Variants in RSPO2 observed in about 807,000 individuals in gnomAD.
The protein encoded by RSPO2 is R-spondin 2.
Under a neutral mutation model 30.9 loss-of-function variants are expected in RSPO2, and 14 were observed. The ratio of observed to expected loss-of-function variants is 0.45; its 90% CI spans 0.30 to 0.71. RSPO2 has a LOEUF of 0.71. Among genes scored for constraint, RSPO2 ranks in the 30% least tolerant of loss-of-function variants. RSPO2 has a pLI of 0.08. For missense variants in RSPO2, 264 were observed against 301.9 expected, an observed-to-expected ratio of 0.87 and a Z score of 0.93; for synonymous variants, 107 against 96.4, an observed-to-expected ratio of 1.11 and a Z score of -0.64.
chr8:107,962,281 G>A (rs1813651719), intron 3 of RSPO2, among the ~76,000 whole-genome samples: 1 of 151,992 alleles, frequency 6.6e-6, no homozygotes, highest in African/African-American at 2.4e-5. Context: ...TAAATTTAAA[G>A]GCTAAAAACA....
chr8:107,974,137 G>A (rs1159339977), intron 3 of RSPO2, among the ~76,000 whole-genome samples: 1 of 152,108 alleles, frequency 6.6e-6, no homozygotes, highest in African/African-American at 2.4e-5. Flanking sequence ...AACTGTTCCA[G>A]GGTGGTCCCA....
chr8:107,900,644 G>C lies in RSPO2; in HGVS notation c.*431C>G, dbSNP rs1028421731. 2 of 156,136 alleles carry C rather than the reference G, an allele frequency of 1.3e-5. No individual in the cohort carries two copies. Among genetic ancestry groups the C allele is most frequent in the African/African-American group, 4.8e-5 (2 of 41,570 alleles). The allele number at this position is 156,136 out of a possible 1,614,324, so 9.7% of individuals were successfully genotyped here. On this transcript the variant is annotated 3_prime_UTR_variant, in exon 6 of 6. Transcript: ENST00000276659. ...GGTAACATGCTGAGAATACCATGTGGTAACACTAAGCAGATATCCACACAA... is the reference window on the plus strand; with the variant it reads ...GGTAACATGCTGAGAATACCATGTGCTAACACTAAGCAGATATCCACACAA...
At chr8:108,009,532 CACATT>C (rs1457681878) in intron 2 of RSPO2, among the ~76,000 whole-genome samples, 1 of 152,130 alleles carries the variant, frequency 6.6e-6, no homozygotes, top group Non-Finnish European at 1.5e-5. Flanking sequence ...AAAAGTCACA[CACATT>C]ACATGTGATT....
At chr8:107,996,624 A>G (rs990148103) in intron 2 of RSPO2, among the ~76,000 whole-genome samples, 2 of 152,226 alleles carry the variant, frequency 1.3e-5, no homozygotes, top group Non-Finnish European at 2.9e-5. Flanking sequence ...AGTTGAAGCT[A>G]TACTTTCAGT....
chr8:107,962,903 T>C (rs542189395), intron 3 of RSPO2, among the ~76,000 whole-genome samples: 2 of 152,302 alleles, frequency 1.3e-5, no homozygotes, highest in African/African-American at 4.8e-5. Context: ...ATAAGCTTTT[T>C]GGCCAAAAAG....
chr8:108,050,414 T>C (rs911032281), intron 2 of RSPO2, among the ~76,000 whole-genome samples: 1 of 152,202 alleles, frequency 6.6e-6, no homozygotes, highest in Non-Finnish European at 1.5e-5. Context: ...TCTAAATATC[T>C]ATAGTTTACC....
chr8:107,939,648 C>A (rs923172470), intron 5 of RSPO2, among the ~76,000 whole-genome samples: 10 of 151,844 alleles, frequency 6.6e-5, no homozygotes, highest in Admixed American at 4.6e-4. Context: ...GTATTACTGA[C>A]CCCCATAAAG....
At chr8:108,055,023 AG>A (rs1418432655) in intron 2 of RSPO2, among the ~76,000 whole-genome samples, 1 of 152,100 alleles carries the variant, frequency 6.6e-6, no homozygotes, top group Non-Finnish European at 1.5e-5. Context: ...CAGGGGGCTG[AG>A]GTGGGAGGAT....
chr8:108,053,581 CA>C (rs2130684187), intron 2 of RSPO2, among the ~76,000 whole-genome samples: 1 of 152,124 alleles, frequency 6.6e-6, no homozygotes, highest in South Asian at 2.1e-4. Flanking sequence ...TCAATTAAGA[CA>C]TTTTTAAAAT....
At chr8:107,977,736 T>A (rs533010518) in intron 3 of RSPO2, among the ~76,000 whole-genome samples, 1 of 152,222 alleles carries the variant, frequency 6.6e-6, no homozygotes, top group East Asian at 1.9e-4. Context: ...ACTGGAGGTA[T>A]CACATATCTT....
intron 5 of RSPO2, among the ~76,000 whole-genome samples, chr8:107,948,631 A>C (rs1813140615): frequency 6.6e-6 from 1 of 152,162 alleles, no homozygotes; most frequent in Non-Finnish European, 1.5e-5. Context: ...AGGCCGAGGC[A>C]GGCAGATCAC....
intron 2 of RSPO2, among the ~76,000 whole-genome samples, chr8:107,990,853 G>A (rs1166410122): frequency 6.6e-6 from 1 of 152,144 alleles, no homozygotes; most frequent in Admixed American, 6.5e-5. Context: ...TACAAGAACA[G>A]ACAGGCTAAT....
intron 2 of RSPO2, among the ~76,000 whole-genome samples, chr8:108,046,718 C>G (rs1353524002): frequency 6.6e-6 from 1 of 152,104 alleles, no homozygotes; most frequent in Admixed American, 6.6e-5. Flanking sequence ...TAATTCAAGT[C>G]ATATCAGGGT....
intron 2 of RSPO2, among the ~76,000 whole-genome samples, chr8:108,016,549 C>A (rs1334389090): frequency 1.3e-5 from 2 of 152,174 alleles, no homozygotes; most frequent in South Asian, 2.1e-4. Context: ...AGAAAAAAAA[C>A]CACCTTCAGA....
chr8:107,909,964 T>G (rs1811770632), intron 5 of RSPO2, among the ~76,000 whole-genome samples: 1 of 152,162 alleles, frequency 6.6e-6, no homozygotes, highest in African/African-American at 2.4e-5. Flanking sequence ...GTTGTACAGG[T>G]GCCTGCCCTA....
At chr8:108,064,054 T>A (rs1812573595) in intron 2 of RSPO2, among the ~76,000 whole-genome samples, 1 of 152,102 alleles carries the variant, frequency 6.6e-6, no homozygotes, top group Non-Finnish European at 1.5e-5. Flanking sequence ...ACTTAAACGT[T>A]AGACCTAAAA....
At chr8:107,905,760 G>A (rs1156911809) in intron 5 of RSPO2, among the ~76,000 whole-genome samples, 3 of 130,330 alleles carry the variant, frequency 2.3e-5, no homozygotes, top group Non-Finnish European at 4.8e-5. Flanking sequence ...TGTAAATGAT[G>A]AGTAGTACTG....
At chr8:108,033,365 T>G (rs1371112597) in intron 2 of RSPO2, among the ~76,000 whole-genome samples, 1 of 152,204 alleles carries the variant, frequency 6.6e-6, no homozygotes, top group Non-Finnish European at 1.5e-5. Context: ...CTAATTAACT[T>G]GTGCCTGAAT....
intron 2 of RSPO2, among the ~76,000 whole-genome samples, chr8:108,060,871 G>A (rs1036771991): frequency 1.3e-5 from 2 of 151,144 alleles, no homozygotes; most frequent in Non-Finnish European, 2.9e-5. Flanking sequence ...GACAGTGGGG[G>A]CCAATATTCA....
Sources: allele counts gnomAD v4.1 joint callset (sites outside exome capture counted in the v4.1 genomes callset), GRCh38; gene constraint gnomAD v4.1.1; transcripts MANE v1.5; gene names NCBI Gene and HGNC (gene_info 2026-07-23, HGNC 2026-07-21).